The following NOXA1 variants were observed in gnomAD, a reference collection of about 807,000 sequenced individuals.
NOXA1 encodes the protein NCF2-like protein.
Under a neutral mutation model 64.8 loss-of-function variants are expected in NOXA1, and 56 were observed. The observed-to-expected ratio is 0.86, with a 90% CI of 0.70 to 1.08. NOXA1 has a LOEUF of 1.08. Among genes scored for constraint, NOXA1 ranks in the 50% least tolerant of loss-of-function variants. The pLI is 0.00. For missense variants in NOXA1, 668 were observed against 658.5 expected, an observed-to-expected ratio of 1.01 and a Z score of -0.16; for synonymous variants, 295 against 294.8, an observed-to-expected ratio of 1.00 and a Z score of -0.01.
intron 1 of NOXA1, among the ~76,000 whole-genome samples, chr9:137,425,623 T>C (rs79215766): frequency 1.3e-5 from 2 of 152,182 alleles, no homozygotes; most frequent in Non-Finnish European, 2.9e-5. Flanking sequence ...TGACCTCAGG[T>C]GATCCGCCCA....
At chr9:137,430,887 T>A in intron 6 of NOXA1, 44 bp downstream of exon 6, 1 of 1,552,018 alleles carries the variant, frequency 6.4e-7, no homozygotes, top group Non-Finnish European at 8.7e-7. Context: ...CTCACCCAGC[T>A]TTCTGGGAAA....
Position 137,434,385 on chromosome 9 carries a change from A to T in NOXA1, c.*25A>T. The stretch of plus-strand genomic sequence containing the variant: ...ATGATGCTGTGTCCATGATGCTTTT[A>T]ATAAAAACAACCCCCACTGCAGTCT... On this transcript the variant is annotated 3_prime_UTR_variant, in exon 14 of 14. Transcript: ENST00000683555. 1 of 1,542,880 alleles carries T rather than the reference A, an allele frequency of 6.5e-7. No individual in the cohort carries two copies.
rs369478985 is a variant in NOXA1 at position 137,433,804 on chromosome 9, G to C, written c.1119G>C (p.Ser373=). The C allele has an allele frequency of 4.8e-6, 7 of 1,452,512 alleles. No homozygotes were observed. The African/African-American group carries it at 8.6e-5, about 18-fold the overall frequency. The allele number at this position is 1,452,512 out of a possible 1,614,324, so 90.0% of individuals were successfully genotyped here. A position where few individuals can be genotyped will look rare whatever the true frequency, so the allele number is the denominator to read the frequency against. The change falls in exon 12 of 14, where the codon TCG becomes TCC. Residue 373 remains serine, a synonymous_variant. Coordinates refer to ENST00000683555, the MANE Select transcript of NOXA1 (RefSeq NM_001256067.2). The part of the protein sequence containing the change: ...GHWVPIPEEE[S]LQRAWQDAAA... Reference sequence around the variant, plus strand: ...GGGTCCCCATCCCCGAGGAGGAGTCGCTGCAGAGGGCCTGGCAGGACGCAG... The same window carrying C: ...GGGTCCCCATCCCCGAGGAGGAGTCCCTGCAGAGGGCCTGGCAGGACGCAG...
Position 137,423,608 on chromosome 9 carries a change from T to G in NOXA1, c.79T>G (p.Leu27Val). The G allele has an allele frequency of 6.8e-7, 1 of 1,473,924 alleles. No individual in the cohort carries two copies. The highest frequency in any genetic ancestry group is 9.0e-7 in the Non-Finnish European group (1 of 1,113,344). The allele number at this position is 1,473,924 out of a possible 1,614,324, so 91.3% of individuals were successfully genotyped here. The change falls in exon 1 of 14, where the codon TTG becomes GTG. Residue 27 changes from leucine (L) to valine (V), a missense_variant. Physicochemically the swap from Leu to Val is conservative, Grantham distance 32. Coordinates refer to ENST00000683555, the MANE Select transcript of NOXA1 (RefSeq NM_001256067.2). ...AVDRGDWARA[L>V]HLFSGVPAPP... ...GGATCGTGGGGACTGGGCCCGCGCC[T>G]TGCACCTCTTCTCGGGCGTCCCGGC...
chr9:137,423,821 G>A (rs1838690173), intron 1 of NOXA1, 115 bp downstream of exon 1: 12 of 902,238 alleles, frequency 1.3e-5, no homozygotes, highest in Non-Finnish European at 1.7e-5. Context: ...CCGACCCAGC[G>A]AACGCCCCGG....
intron 1 of NOXA1, among the ~76,000 whole-genome samples, chr9:137,425,077 C>G (rs1838794962): frequency 6.6e-6 from 1 of 152,230 alleles, no homozygotes; most frequent in African/African-American, 2.4e-5. Context: ...TCTGCTGGCC[C>G]TGAGCCGCCA....
intron 5 of NOXA1, 34 bp from the exon 6 acceptor site, chr9:137,430,750 A>T: frequency 6.4e-7 from 1 of 1,574,438 alleles, no homozygotes; most frequent in Non-Finnish European, 8.6e-7. Flanking sequence ...TGGGCCGCTG[A>T]TCCCTGACCC....
At chr9:137,426,153 G>A (rs981157406) in intron 1 of NOXA1, 95 bp from the exon 2 acceptor site, 44 of 1,157,152 alleles carry the variant, frequency 3.8e-5, no homozygotes, top group Admixed American at 3.4e-5. Flanking sequence ...AGGGGCTGAC[G>A]GAATTCCGTG....
At chr9:137,428,315 G>A (rs796920822) in intron 3 of NOXA1, among the ~76,000 whole-genome samples, 174 bp downstream of exon 3, 135 of 152,256 alleles carry the variant, frequency 8.9e-4, no homozygotes, top group African/African-American at 3.1e-3. Context: ...TGGAGGTGGA[G>A]GGACCATTTT....
At chr9:137,433,898 C>T in intron 12 of NOXA1, 34 bp downstream of exon 12, 1 of 1,485,624 alleles carries the variant, frequency 6.7e-7, no homozygotes. Context: ...CAGGGGCACC[C>T]TGAGGGGCGG....
intron 5 of NOXA1, 90 bp downstream of exon 5, chr9:137,429,473 C>A: frequency 1.1e-6 from 1 of 926,814 alleles, no homozygotes; most frequent in South Asian, 1.6e-5. Flanking sequence ...GCAGTCCAGG[C>A]CACCGTAAGG....
Position 137,434,264 on chromosome 9 carries a change from C to G in NOXA1, c.1335C>G (p.Ile445Met), listed in dbSNP as rs369853604. 1 of 1,611,046 alleles carries G rather than the reference C, an allele frequency of 6.2e-7. No individual in the cohort carries two copies. The highest frequency in any genetic ancestry group is 8.5e-7 in the Non-Finnish European group (1 of 1,179,664). Residue 445 changes from isoleucine to methionine, a missense_variant, in exon 14 of 14, where the codon ATC (isoleucine) becomes ATG (methionine). Transcript: ENST00000683555. Reference sequence around the variant, plus strand: ...TGGAGGGCCACTGTGACGGCCGCATCGGCATCTTCCCCAAGTGCTTCGTGG... The same window carrying G: ...TGGAGGGCCACTGTGACGGCCGCATGGGCATCTTCCCCAAGTGCTTCGTGG... ...AWLEGHCDGR[I>M]GIFPKCFVVP...
intron 2 of NOXA1, 97 bp downstream of exon 2, chr9:137,426,427 C>G: frequency 9.9e-7 from 1 of 1,014,558 alleles, no homozygotes; most frequent in Non-Finnish European, 1.5e-6. Context: ...CATCCACTCC[C>G]TCCTCTTGCC....
At chr9:137,426,192 G>A in intron 1 of NOXA1, 56 bp from the exon 2 acceptor site, 11 of 1,484,444 alleles carry the variant, frequency 7.4e-6, no homozygotes, top group Non-Finnish European at 1.0e-5. Context: ...CTGTATCTGT[G>A]ATGCTGCGTG....
intron 1 of NOXA1, among the ~76,000 whole-genome samples, chr9:137,424,036 T>G (rs1015095837): frequency 6.6e-6 from 1 of 152,016 alleles, no homozygotes; most frequent in Non-Finnish European, 1.5e-5. Context: ...CGGGTCAGTC[T>G]CCTCCTCAGA....
rs769566877 is a variant in NOXA1, at chr9:137,433,923, C to T, written c.1180-42C>T. On this transcript the variant is annotated intron_variant, in intron 12 of 13. Coordinates refer to ENST00000683555, the MANE Select transcript of NOXA1 (RefSeq NM_001256067.2). ...CTGAGGGGCGGTGGAGGCCCCTCCT[C>T]CCAGTGCCCGGCCCGACCTGCAGCC... 75 of 1,512,308 alleles carry T rather than the reference C, an allele frequency of 5.0e-5. 1 individual carries two copies. In the South Asian group the frequency reaches 8.7e-4, roughly 18 times the overall value. The allele number at this position is 1,512,308 out of a possible 1,614,324, so 93.7% of individuals were successfully genotyped here. A position where few individuals can be genotyped will look rare whatever the true frequency, so the allele number is the denominator to read the frequency against.
In NOXA1 at chr9:137,429,395, G is replaced by C; in HGVS notation, c.612+12G>C. 1 of 1,545,312 alleles carries C rather than the reference G, an allele frequency of 6.5e-7. No individual in the cohort carries two copies. The highest frequency in any genetic ancestry group is 1.2e-5 in the South Asian group (1 of 84,328). ...TGGGCAAGGCCAAGGTAAAGGTGGG[G>C]ACGGCGTCCTGGGGCATGGCGGCTG... On this transcript the variant is annotated intron_variant, in intron 5 of 13. Coordinates refer to ENST00000683555, the MANE Select transcript of NOXA1 (RefSeq NM_001256067.2).
chr9:137,427,777 G>A lies in NOXA1; in HGVS notation c.261-256G>A, dbSNP rs142932852. ...AAGAGAGGCTTGGGGGCGGGCAGGG[G>A]CCCAGGAAGCTGAGTCTGAGCTGGG... On this transcript the variant is annotated intron_variant, in intron 2 of 13. Coordinates refer to ENST00000683555, the MANE Select transcript of NOXA1 (RefSeq NM_001256067.2). Among the ~76,000 whole-genome samples, 950 of 152,112 alleles carry A rather than the reference G, an allele frequency of 6.2e-3. 13 individuals carry two copies. Among genetic ancestry groups the A allele is most frequent in the Middle Eastern group, 0.017 (5 of 294 alleles).
At chr9:137,425,859 G>A (rs1473380143) in intron 1 of NOXA1, among the ~76,000 whole-genome samples, 7 of 149,198 alleles carry the variant, frequency 4.7e-5, no homozygotes, top group Admixed American at 4.0e-4. Context: ...GTGACAGAGC[G>A]AGACCCCGTC....
Sources: gnomAD v4.1 joint callset for allele counts (sites outside exome capture counted in the v4.1 genomes callset) on GRCh38, gnomAD v4.1.1 for gene constraint, MANE v1.5 for transcripts, NCBI Gene and HGNC (gene_info 2026-07-23, HGNC 2026-07-21) for gene names.